The following WDFY3 variants were observed in gnomAD, a reference collection of about 807,000 sequenced individuals.
The protein encoded by WDFY3 is WD repeat and FYVE domain containing 3.
WDFY3 carries 66 observed loss-of-function variants against 409.6 expected under a neutral mutation model. The ratio of observed to expected loss-of-function variants is 0.16; its 90% CI spans 0.13 to 0.20. The LOEUF (loss-of-function observed/expected upper bound fraction) is 0.20. Among genes scored for constraint, WDFY3 ranks in the 10% least tolerant of loss-of-function variants. WDFY3 has a pLI of 1.00. For missense variants in WDFY3, 3,031 were observed against 4,298.1 expected, an observed-to-expected ratio of 0.71 and a Z score of 8.24; for synonymous variants, 1,521 against 1,537.1, an observed-to-expected ratio of 0.99 and a Z score of 0.25.
intron 5 of WDFY3, among the ~76,000 whole-genome samples, chr4:84,847,414 A>G (rs2150081760): frequency 6.6e-6 from 1 of 152,192 alleles, no homozygotes; most frequent in South Asian, 2.1e-4. Flanking sequence ...ATTGATAAAA[A>G]AACCTTTTTA....
chr4:84,909,920 C>T (rs1767540165), intron 2 of WDFY3, among the ~76,000 whole-genome samples: 1 of 152,092 alleles, frequency 6.6e-6, no homozygotes, highest in Non-Finnish European at 1.5e-5. Flanking sequence ...CATAAGTATT[C>T]ATAATAAATT....
intron 1 of WDFY3, among the ~76,000 whole-genome samples, chr4:84,964,898 G>C (rs1775431114): frequency 2.0e-5 from 3 of 152,148 alleles, no homozygotes; most frequent in Admixed American, 6.5e-5. Context: ...CTTTCTAGCA[G>C]CTTGAGATAG....
chr4:84,943,642 G>A (rs1030459190), intron 1 of WDFY3, among the ~76,000 whole-genome samples: 2 of 152,092 alleles, frequency 1.3e-5, no homozygotes, highest in Admixed American at 6.6e-5. Context: ...AACTACACAG[G>A]AGGTCACTTC....
chr4:84,715,036 C>T (rs958620955), intron 50 of WDFY3, among the ~76,000 whole-genome samples: 2 of 151,864 alleles, frequency 1.3e-5, no homozygotes, highest in African/African-American at 2.4e-5. Flanking sequence ...TTTAGAGACA[C>T]AGGACTTAGT....
intron 32 of WDFY3, among the ~76,000 whole-genome samples, chr4:84,758,457 AG>A (rs1741844849): frequency 6.6e-6 from 1 of 152,192 alleles, no homozygotes; most frequent in Non-Finnish European, 1.5e-5. Context: ...TATGTTGCTC[AG>A]GCTGGTCTCA....
At position 84,718,057 on chromosome 4, in the gene WDFY3, CAAAAAAAAAAAAAA is replaced by C. The variant is rs35076143; in HGVS notation, c.7754+351_7754+364del. Among the ~76,000 whole-genome samples the C allele has an allele frequency of 4.9e-4, 30 of 61,358 alleles. No homozygotes were observed. In the East Asian group the frequency reaches 8.2e-3, roughly 17 times the overall value. 40.3% of individuals were successfully genotyped at this position (61,358 alleles called of 152,430 possible). A position where few individuals can be genotyped will look rare whatever the true frequency, so the allele number is the denominator to read the frequency against. On this transcript the variant is annotated intron_variant, in intron 48 of 67. Transcript: ENST00000295888. ...GGGGTGACAGAGTGAGACACTGTCT[CAAAAAAAAAAAAAA>C]AAAAAAAAAAAAGAGTATTTTCTCT...
At chr4:84,750,464 G>C (rs1420389606) in intron 36 of WDFY3, among the ~76,000 whole-genome samples, 2 of 150,916 alleles carry the variant, frequency 1.3e-5, no homozygotes, top group Non-Finnish European at 3.0e-5. Flanking sequence ...CCACTAGAGG[G>C]AGCACAAAAA....
rs1158976109 is a variant in WDFY3 at position 84,794,580 on chromosome 4, A to G, written c.3426T>C (p.Val1142=). The change falls in exon 21 of 68, where the codon GTT becomes GTC. Residue 1142 remains valine (V), a synonymous_variant. Coordinates refer to ENST00000295888, the MANE Select transcript of WDFY3 (RefSeq NM_014991.6). ...TCAGAGATCGGTCTTTTGCTGATAG[A>G]ACTATTGCAAGGCACACGTAATGTT... is the stretch of plus-strand genomic sequence containing the variant. ...SEQHYVCLAI[V]LSAKDRSLIV... The G allele has an allele frequency of 1.2e-6, 2 of 1,614,032 alleles. No individual in the cohort carries two copies. Among genetic ancestry groups the G allele is most frequent in the South Asian group, 2.2e-5 (2 of 91,092 alleles).
At chr4:84,740,164 C>G (rs911687985) in intron 39 of WDFY3, 23 bp downstream of exon 39, 3 of 1,610,952 alleles carry the variant, frequency 1.9e-6, no homozygotes, top group Non-Finnish European at 2.5e-6. Context: ...TTTAACATGG[C>G]AAACTGAACC....
chr4:84,735,687 C>T (rs993446690), intron 42 of WDFY3, among the ~76,000 whole-genome samples: 5 of 152,226 alleles, frequency 3.3e-5, no homozygotes, highest in African/African-American at 1.2e-4. Flanking sequence ...AGATGGCTGA[C>T]ACATACTATT....
intron 2 of WDFY3, among the ~76,000 whole-genome samples, chr4:84,920,987 A>G (rs1769196396): frequency 6.6e-6 from 1 of 152,132 alleles, no homozygotes; most frequent in South Asian, 2.1e-4. Context: ...GAATTCCCCC[A>G]ATGAAATTTG....
chr4:84,934,674 C>T (rs1297725187), intron 1 of WDFY3, among the ~76,000 whole-genome samples: 3 of 152,020 alleles, frequency 2.0e-5, no homozygotes, highest in African/African-American at 7.2e-5. Flanking sequence ...TTACATACAA[C>T]AATTATTTGG....
intron 37 of WDFY3, 65 bp from the exon 38 acceptor site, chr4:84,741,986 A>G (rs1738517486): frequency 1.7e-6 from 2 of 1,161,918 alleles, no homozygotes; most frequent in Non-Finnish European, 2.3e-6. Context: ...CCAGATCCTC[A>G]AAAAAAAAAT....
At chr4:84,837,891 C>T (rs1033430373) in intron 6 of WDFY3, among the ~76,000 whole-genome samples, 4 of 152,064 alleles carry the variant, frequency 2.6e-5, no homozygotes, top group South Asian at 2.1e-4. Flanking sequence ...CATGCAAAGA[C>T]GAAGCATCTC....
intron 7 of WDFY3, among the ~76,000 whole-genome samples, chr4:84,834,900 CAAT>C (rs1192839486): frequency 2.6e-5 from 4 of 152,028 alleles, no homozygotes; most frequent in Non-Finnish European, 4.4e-5. Context: ...TTCCTAGACA[CAAT>C]GATGAAAACA....
chr4:84,845,847 T>C (rs1414917257), intron 5 of WDFY3, among the ~76,000 whole-genome samples: 1 of 151,492 alleles, frequency 6.6e-6, no homozygotes, highest in Non-Finnish European at 1.5e-5. Context: ...TATGTTCTTC[T>C]CTCCTAAAAA....
intron 30 of WDFY3, among the ~76,000 whole-genome samples, chr4:84,771,618 CTA>C (rs1056725739): frequency 6.6e-6 from 1 of 152,088 alleles, no homozygotes; most frequent in African/African-American, 2.4e-5. Context: ...ACCTGGGTTC[CTA>C]TATAGTCAAT....
At chr4:84,943,079 A>T (rs1772348406) in intron 1 of WDFY3, among the ~76,000 whole-genome samples, 1 of 152,184 alleles carries the variant, frequency 6.6e-6, no homozygotes, top group South Asian at 2.1e-4. Flanking sequence ...TCTTCGGCCA[A>T]CTCAGTGTGA....
At chr4:84,755,576 T>G (rs895232871) in intron 33 of WDFY3, among the ~76,000 whole-genome samples, 176 bp from the exon 34 acceptor site, 5 of 152,214 alleles carry the variant, frequency 3.3e-5, no homozygotes, top group Non-Finnish European at 7.3e-5. Flanking sequence ...AAACTCATTT[T>G]TATAGATATA....
Sources: allele counts gnomAD v4.1 joint callset (sites outside exome capture counted in the v4.1 genomes callset), GRCh38; gene constraint gnomAD v4.1.1; transcripts MANE v1.5; gene names NCBI Gene and HGNC (gene_info 2026-07-23, HGNC 2026-07-21).